Variants in PLCXD2 observed in about 807,000 individuals in gnomAD.
The protein encoded by PLCXD2 is phosphatidylinositol specific phospholipase C X domain containing 2, also known as PI-PLC X domain-containing protein 2.
PLCXD2 carries 21 observed loss-of-function variants against 28.6 expected under a neutral mutation model. That is an observed-to-expected ratio of 0.73 (90% CI 0.52 to 1.06). The LOEUF is 1.06. Ranked by LOEUF, PLCXD2 falls within the 50% of genes least tolerant of loss-of-function variation. The pLI is 0.00. For synonymous variants in PLCXD2, 140 were observed against 150.1 expected, an observed-to-expected ratio of 0.93 and a Z score of 0.49; for missense variants, 369 against 376.7, an observed-to-expected ratio of 0.98 and a Z score of 0.17.
At chr3:111,700,154 C>T (rs4682054) in intron 1 of PLCXD2, among the ~76,000 whole-genome samples, 66,792 of 151,924 alleles carry the variant, frequency 0.44, 17,700 homozygotes, top group Middle Eastern at 0.6. Context: ...TTTTTAAAAG[C>T]GCCCCCTGCT....
At chr3:111,723,903 A>T (rs1941380595) in intron 3 of PLCXD2, 1 of 152,216 alleles carries the variant, frequency 6.6e-6, no homozygotes, top group South Asian at 2.1e-4. Context: ...TCAGCTAAGA[A>T]GCTACTTGAT....
rs765981311 is a variant in PLCXD2 at position 111,675,222 on chromosome 3, C to T, written c.-24C>T. 5 of 1,608,672 alleles carry T rather than the reference C, an allele frequency of 3.1e-6. No individual in the cohort carries two copies. The East Asian group carries it at 1.1e-4, about 36-fold the overall frequency. On this transcript the variant is annotated 5_prime_UTR_variant, in exon 1 of 5. Transcript: ENST00000477665. ...CTGAGTGAGTGGCACTGGGCTGAGA[C>T]TGGCCAGTTTGTTAACAACAGGGAT...
intron 3 of PLCXD2, chr3:111,725,571 C>T: frequency 2.5e-6 from 1 of 398,350 alleles, no homozygotes. Flanking sequence ...AGGCCCTAAC[C>T]CAGAAGAATA....
In PLCXD2 at chr3:111,708,205, C is replaced by T. The variant is rs1444569171; in HGVS notation, c.443C>T (p.Ser148Leu). The change falls in exon 2 of 5, where the codon TCG becomes TTG. Residue 148 changes from serine to leucine, a missense_variant. By Grantham distance (145) the Ser-to-Leu change is moderately radical. Coordinates refer to ENST00000477665, the MANE Select transcript of PLCXD2 (RefSeq NM_001185106.1). ...TGGGATGGGCTGATGGAAATTGACT[C>T]GTTTCTTACACAGCACCCCCAGGAG... 6 of 1,614,038 alleles carry T rather than the reference C, an allele frequency of 3.7e-6. No individual in the cohort carries two copies. Among genetic ancestry groups the T allele is most frequent in the East Asian group, 4.5e-5 (2 of 44,900 alleles).
At chr3:111,690,288 T>C (rs528918228) in intron 1 of PLCXD2, among the ~76,000 whole-genome samples, 4 of 152,242 alleles carry the variant, frequency 2.6e-5, no homozygotes, top group African/African-American at 7.2e-5. Context: ...TTTGCTCCCA[T>C]GTCGGGACTC....
intron 2 of PLCXD2, 45 bp from the exon 3 acceptor site, chr3:111,713,842 G>A: frequency 6.3e-7 from 1 of 1,589,138 alleles, no homozygotes; most frequent in South Asian, 1.1e-5. Flanking sequence ...TTAACATTCA[G>A]CATTTTTATG....
At position 111,708,177 on chromosome 3, in the gene PLCXD2, G is replaced by C; in HGVS notation, c.415G>C (p.Val139Leu). The change falls in exon 2 of 5, where the codon GTC becomes CTC. Residue 139 changes from valine (V) to leucine (L), a missense_variant. By Grantham distance (32) the Val-to-Leu change is conservative. Coordinates refer to ENST00000477665, the MANE Select transcript of PLCXD2 (RefSeq NM_001185106.1). Reference sequence around the variant, plus strand: ...CATCCATGGGCTTTTTGGCATCAAGGTCTGGGATGGGCTGATGGAAATTGA... The same window carrying C: ...CATCCATGGGCTTTTTGGCATCAAGCTCTGGGATGGGCTGATGGAAATTGA... 6.2e-7 allele frequency: 1 copy of C among 1,614,204 alleles called. No individual in the cohort carries two copies. The highest frequency in any genetic ancestry group is 1.1e-5 in the South Asian group (1 of 91,074).
At chr3:111,724,278 T>G (rs1941386467) in intron 3 of PLCXD2, 1 of 152,178 alleles carries the variant, frequency 6.6e-6, no homozygotes, top group Non-Finnish European at 1.5e-5. Flanking sequence ...GTAATTACTT[T>G]TAGTCATTTT....
At chr3:111,684,901 C>G (rs912338280) in intron 1 of PLCXD2, among the ~76,000 whole-genome samples, 3 of 152,102 alleles carry the variant, frequency 2.0e-5, no homozygotes, top group Non-Finnish European at 4.4e-5. Flanking sequence ...GAGAAAGTGT[C>G]AGCAGGACTT....
At chr3:111,710,940 GT>G in intron 2 of PLCXD2, among the ~76,000 whole-genome samples, 1 of 152,330 alleles carries the variant, frequency 6.6e-6, no homozygotes, top group East Asian at 1.9e-4. Flanking sequence ...ATCTATCATA[GT>G]TTTTTAAGCA....
intron 1 of PLCXD2, among the ~76,000 whole-genome samples, chr3:111,699,784 G>T (rs1941014826): frequency 6.6e-6 from 1 of 152,138 alleles, no homozygotes; most frequent in South Asian, 2.1e-4. Flanking sequence ...CATACTAGGA[G>T]GCATGATAAG....
chr3:111,685,994 G>A (rs1474301794), intron 1 of PLCXD2, among the ~76,000 whole-genome samples: 4 of 152,158 alleles, frequency 2.6e-5, no homozygotes, highest in African/African-American at 9.7e-5. Context: ...GGAATACCTT[G>A]GGCAATGGAA....
At chr3:111,696,200 G>T (rs9875538) in intron 1 of PLCXD2, among the ~76,000 whole-genome samples, 6,662 of 152,258 alleles carry the variant, frequency 0.044, 238 homozygotes, top group African/African-American at 0.091. Context: ...TTATAAGCAT[G>T]ATACTGCTTT....
chr3:111,708,070 G>A lies in PLCXD2; in HGVS notation c.308G>A (p.Arg103Gln), dbSNP rs377101481. 4.4e-5 allele frequency: 71 copies of A among 1,614,062 alleles called. No individual in the cohort carries two copies. Among genetic ancestry groups the A allele is most frequent in the Non-Finnish European group, 5.1e-5 (60 of 1,180,032 alleles). Residue 103 changes from arginine (R) to glutamine (Q), a missense_variant, in exon 2 of 5, where the codon CGA (arginine) becomes CAA (glutamine). By Grantham distance (43) the Arg-to-Gln change is conservative (BLOSUM62 1). Transcript: ENST00000477665. ...TCTGTGACTCAGAACCTGACATTTC[G>A]AGAACAGCTGGAAGCTGGGATCCGC...
At chr3:111,689,401 T>A (rs1940842827) in intron 1 of PLCXD2, among the ~76,000 whole-genome samples, 1 of 152,224 alleles carries the variant, frequency 6.6e-6, no homozygotes, top group African/African-American at 2.4e-5. Flanking sequence ...CACTTTATGC[T>A]TTGTGTTGTA....
intron 2 of PLCXD2, among the ~76,000 whole-genome samples, chr3:111,711,933 C>T (rs1254716331): frequency 2.6e-5 from 4 of 152,172 alleles, no homozygotes; most frequent in Non-Finnish European, 5.9e-5. Context: ...ATCAAGGAAT[C>T]GTTCTTGAAG....
chr3:111,688,410 A>G (rs755313870), intron 1 of PLCXD2, among the ~76,000 whole-genome samples: 1 of 152,252 alleles, frequency 6.6e-6, no homozygotes, highest in Admixed American at 6.5e-5. Flanking sequence ...TGGAGCTTCC[A>G]GTTGTCCTCT....
chr3:111,709,791 C>T (rs188725098), intron 2 of PLCXD2, among the ~76,000 whole-genome samples: 78 of 152,224 alleles, frequency 5.1e-4, no homozygotes, highest in African/African-American at 1.8e-3. Flanking sequence ...GTCAGAGAGG[C>T]GACTGGTGAT....
intron 1 of PLCXD2, among the ~76,000 whole-genome samples, chr3:111,694,247 A>C (rs74687426): frequency 6.6e-6 from 1 of 152,046 alleles, no homozygotes; most frequent in East Asian, 1.9e-4. Flanking sequence ...CCAAGAGTCT[A>C]TCTCTAAATT....
Sources: allele counts gnomAD v4.1 joint callset (sites outside exome capture counted in the v4.1 genomes callset), GRCh38; gene constraint gnomAD v4.1.1; transcripts MANE v1.5; gene names NCBI Gene and HGNC (gene_info 2026-07-23, HGNC 2026-07-21).